SLC35E1: variants seen among roughly 807,000 people sequenced by gnomAD.
SLC35E1 encodes solute carrier family 35, member E1.
SLC35E1 carries 12 observed loss-of-function variants against 31.0 expected under a neutral mutation model. That is an observed-to-expected ratio of 0.39 (90% CI 0.25 to 0.63). SLC35E1 has a LOEUF of 0.63. Among genes scored for constraint, SLC35E1 ranks in the 20% least tolerant of loss-of-function variants. The pLI, the probability that SLC35E1 is intolerant of heterozygous loss-of-function variation, is 0.52. For missense variants in SLC35E1, 429 were observed against 572.2 expected (o/e 0.75, Z 2.55); for synonymous variants, 257 against 264.1 (o/e 0.97, Z 0.26).
At chr19:16,563,516 CTTTT>C (rs931169128) in intron 4 of SLC35E1, among the ~76,000 whole-genome samples, 2 of 151,222 alleles carry the variant, frequency 1.3e-5, no homozygotes, top group African/African-American at 4.9e-5. Flanking sequence ...CAGACTTCTT[CTTTT>C]TTTTTATTTT....
rs949879006 is a variant in SLC35E1, at chr19:16,553,458, C to A, written c.*221G>T. ...CTCCAGGAAGAAAGAGCATGAGACACTGGTCTCTGTTTAGGTTTGCCCAGA... is the reference window on the plus strand; with the variant it reads ...CTCCAGGAAGAAAGAGCATGAGACAATGGTCTCTGTTTAGGTTTGCCCAGA... On this transcript the variant is annotated 3_prime_UTR_variant, in exon 6 of 6. Transcript: ENST00000595753. 1.0e-5 allele frequency: 4 copies of A among 381,744 alleles called. No homozygotes were observed. Among genetic ancestry groups the A allele is most frequent in the Non-Finnish European group, 1.9e-5 (4 of 214,458 alleles). The allele number at this position is 381,744 out of a possible 1,614,324, so 23.6% of individuals were successfully genotyped here.
In SLC35E1 at chr19:16,550,914, T is replaced by C. The variant is rs1042089074; in HGVS notation, c.*2765A>G. Reference sequence around the variant, plus strand: ...AACCATAATAAAACCAGACAGTCATTTCCCGTCACCAGCAGATCTTGCATT... The same window carrying C: ...AACCATAATAAAACCAGACAGTCATCTCCCGTCACCAGCAGATCTTGCATT... On this transcript the variant is annotated 3_prime_UTR_variant, in exon 6 of 6. Transcript: ENST00000595753. The C allele has an allele frequency of 3.3e-5, 5 of 152,206 alleles. No individual in the cohort carries two copies. Among genetic ancestry groups the C allele is most frequent in the African/African-American group, 1.2e-4 (5 of 41,454 alleles). The allele number at this position is 152,206 out of a possible 1,614,324, so 9.4% of individuals were successfully genotyped here.
chr19:16,556,347 A>T (rs2122325669), intron 4 of SLC35E1, among the ~76,000 whole-genome samples: 1 of 151,872 alleles, frequency 6.6e-6, no homozygotes, highest in Non-Finnish European at 1.5e-5. Flanking sequence ...GTCTCTACAA[A>T]AAAAAAAAAA....
rs893470885 is a variant in SLC35E1, at chr19:16,552,348, T to G, written c.*1331A>C. Reference sequence around the variant, plus strand: ...CCAGTGGGAACTTGGTTTTGTTTTGTTTTTTTTTTTGAGATGGAGTCTCGC... The same window carrying G: ...CCAGTGGGAACTTGGTTTTGTTTTGGTTTTTTTTTTGAGATGGAGTCTCGC... On this transcript the variant is annotated 3_prime_UTR_variant, in exon 6 of 6. Coordinates refer to ENST00000595753, the MANE Select transcript of SLC35E1 (RefSeq NM_024881.5). The G allele has an allele frequency of 7.2e-6, 1 of 139,138 alleles. No homozygotes were observed. Among genetic ancestry groups the G allele is most frequent in the Admixed American group, 7.2e-5 (1 of 13,986 alleles). The allele number at this position is 139,138 out of a possible 1,614,324, so 8.6% of individuals were successfully genotyped here.
chr19:16,554,044 C>G, intron 5 of SLC35E1, 135 bp from the exon 6 acceptor site: 1 of 660,838 alleles, frequency 1.5e-6, no homozygotes, highest in South Asian at 2.6e-5. Flanking sequence ...GCGGGAGGAT[C>G]ACCTGAGCTC....
In SLC35E1 at chr19:16,572,291, C is replaced by G; in HGVS notation, c.74G>C (p.Arg25Pro). ...CAGCGCCGCCACCCGCGCGCCCTCGCGCGCCCCACCACTGCTGCTCGCTGC... is the reference window on the plus strand; with the variant it reads ...CAGCGCCGCCACCCGCGCGCCCTCGGGCGCCCCACCACTGCTGCTCGCTGC... The part of the protein sequence containing the change: ...PGAASSSGGA[R>P]EGARVAALCL... The change falls in exon 1 of 6, where the codon CGC becomes CCC. Residue 25 changes from arginine to proline, a missense_variant. Coordinates refer to ENST00000595753, the MANE Select transcript of SLC35E1 (RefSeq NM_024881.5). This position sits in a 1 kb window ranked among gnomAD's most constrained non-coding sequence, Gnocchi z 4.1. 4.0e-6 allele frequency: 6 copies of G among 1,489,922 alleles called. No homozygotes were observed. Among genetic ancestry groups the G allele is most frequent in the Non-Finnish European group, 5.4e-6 (6 of 1,118,020 alleles). The allele number at this position is 1,489,922 out of a possible 1,614,324, so 92.3% of individuals were successfully genotyped here. A position where few individuals can be genotyped will look rare whatever the true frequency, so the allele number is the denominator to read the frequency against.
chr19:16,553,667 G>A lies in SLC35E1; in HGVS notation c.*12C>T, dbSNP rs2085857372. 2.7e-6 allele frequency: 4 copies of A among 1,490,906 alleles called. No homozygotes were observed. Among genetic ancestry groups the A allele is most frequent in the Non-Finnish European group, 3.6e-6 (4 of 1,111,660 alleles). The allele number at this position is 1,490,906 out of a possible 1,614,324, so 92.4% of individuals were successfully genotyped here. ...AAGGAGTCACCAACAGTCTGGTCCT[G>A]TCCTTTGGACTCTACACATCATAGC... On this transcript the variant is annotated 3_prime_UTR_variant, in exon 6 of 6. Coordinates refer to ENST00000595753, the MANE Select transcript of SLC35E1 (RefSeq NM_024881.5).
chr19:16,558,569 T>A (rs2085888340), intron 4 of SLC35E1, among the ~76,000 whole-genome samples: 1 of 152,100 alleles, frequency 6.6e-6, no homozygotes, highest in South Asian at 2.1e-4. Context: ...ACTCCTGACC[T>A]CAAGTGATCC....
At chr19:16,561,244 G>GAAAAA (rs373424416) in intron 4 of SLC35E1, among the ~76,000 whole-genome samples, 1 of 71,894 alleles carries the variant, frequency 1.4e-5, no homozygotes, top group African/African-American at 4.8e-5. Context: ...AAAAAAAAAA[G>GAAAAA]AAAGAAAAGA....
At position 16,551,822 on chromosome 19, in the gene SLC35E1, T is replaced by C. The variant is rs1228185111; in HGVS notation, c.*1857A>G. On this transcript the variant is annotated 3_prime_UTR_variant, in exon 6 of 6. Transcript: ENST00000595753. ...AAGGCTGGAGTGCAGTGGTGTGATC[T>C]CAGCTCGCTGAAACCTCCACCTCCT... is the stretch of plus-strand genomic sequence containing the variant. 6.7e-6 allele frequency: 1 copy of C among 149,608 alleles called. No homozygotes were observed. Among genetic ancestry groups the C allele is most frequent in the African/African-American group, 2.5e-5 (1 of 40,516 alleles). 9.3% of individuals were successfully genotyped at this position (149,608 alleles called of 1,614,324 possible).
At position 16,561,181 on chromosome 19, in the gene SLC35E1, TC is replaced by T. The variant is rs1305242024; in HGVS notation, c.756+5350del. ...GCGAGCTGAGATCACGCCACTGCGC[TC>T]CAGCCTGGGCAACAGATCAAGACTC... On this transcript the variant is annotated intron_variant, in intron 4 of 5. Transcript: ENST00000595753. Among the ~76,000 whole-genome samples the T allele has an allele frequency of 5.2e-4, 58 of 110,764 alleles. 1 individual carries two copies. The highest frequency in any genetic ancestry group is 2.0e-3 in the African/African-American group (56 of 28,654). The allele number at this position is 110,764 out of a possible 152,430, so 72.7% of individuals were successfully genotyped here.
chr19:16,565,355 C>T (rs1406120157), intron 4 of SLC35E1: 13 of 330,522 alleles, frequency 3.9e-5, no homozygotes, highest in Non-Finnish European at 6.5e-5. Flanking sequence ...GGATTACAGG[C>T]GTGCACCACC....
chr19:16,572,020 G>A lies in SLC35E1; in HGVS notation c.345C>T (p.Leu115=), dbSNP rs754733501. The change falls in exon 1 of 6, where the codon CTC becomes CTT. Residue 115 remains leucine (L), a synonymous_variant. Transcript: ENST00000595753. This position sits in a 1 kb window ranked among gnomAD's most constrained non-coding sequence, Gnocchi z 4.1. ...CGGACGCGAAGTACTTGCCGAAGGC[G>A]AGCGGTAGCACGTAGCGCGGGTAGA... ...PRFYPRYVLP[L]AFGKYFASVS... 8.4e-6 allele frequency: 13 copies of A among 1,545,534 alleles called. 1 individual carries two copies. The highest frequency in any genetic ancestry group is 1.7e-4 in the Middle Eastern group (1 of 5,990).
In SLC35E1 at chr19:16,568,121, C is replaced by T. The variant is rs774469202; in HGVS notation, c.541G>A (p.Val181Ile). 54 of 1,613,460 alleles carry T rather than the reference C, an allele frequency of 3.3e-5. No homozygotes were observed. Among genetic ancestry groups the T allele is most frequent in the South Asian group, 3.3e-4 (30 of 91,062 alleles). ...CACATGTCAAAAGACAACTCGGTGA[C>T]GGTGGCCAGCAGGACACCGCTGATG... ...PIISGVLLAT[V>I]TELSFDMWGL... The change falls in exon 3 of 6, where the codon GTC (valine) becomes ATC (isoleucine). Residue 181 changes from valine (V) to isoleucine (I), a missense_variant. By Grantham distance (29) the Val-to-Ile change is conservative. Coordinates refer to ENST00000595753, the MANE Select transcript of SLC35E1 (RefSeq NM_024881.5).
At chr19:16,566,511 T>C in intron 4 of SLC35E1, 21 bp downstream of exon 4, 2 of 1,612,402 alleles carry the variant, frequency 1.2e-6, no homozygotes, top group Non-Finnish European at 1.7e-6. Flanking sequence ...AATGGCGTGT[T>C]CTTGGTGCTG....
At chr19:16,554,820 GAAAAAAA>G (rs59402960) in intron 5 of SLC35E1, among the ~76,000 whole-genome samples, 185 of 60,208 alleles carry the variant, frequency 3.1e-3, no homozygotes, top group African/African-American at 0.011. Flanking sequence ...ACTCCATCTC[GAAAAAAA>G]AAAAAAAAAA....
chr19:16,570,724 G>T (rs1342468336), intron 2 of SLC35E1, among the ~76,000 whole-genome samples: 1 of 152,176 alleles, frequency 6.6e-6, no homozygotes, highest in African/African-American at 2.4e-5. Flanking sequence ...GACTTTGCTG[G>T]ATTTTGCCAA....
At chr19:16,566,305 A>G (rs960884809) in intron 4 of SLC35E1, 7 of 538,384 alleles carry the variant, frequency 1.3e-5, no homozygotes, top group Non-Finnish European at 1.6e-5. Context: ...AGCAGCTATC[A>G]GCACCTGGGA....
At position 16,555,493 on chromosome 19, in the gene SLC35E1, G is replaced by A. The variant is rs561510545; in HGVS notation, c.757-96C>T. On this transcript the variant is annotated intron_variant, in intron 4 of 5. Transcript: ENST00000595753. The surrounding 1 kb of genome is among the most constrained non-coding windows in gnomAD (Gnocchi z 4.1). ...GCAGGGTTAGGGGAAGGGATGTGGA[G>A]GGGCTCATCTGGAGCCTCATGGTCC... The A allele has an allele frequency of 5.3e-6, 8 of 1,507,366 alleles. No individual in the cohort carries two copies. The highest frequency in any genetic ancestry group is 2.4e-4 in the Middle Eastern group (1 of 4,118). The allele number at this position is 1,507,366 out of a possible 1,614,324, so 93.4% of individuals were successfully genotyped here. A position where few individuals can be genotyped will look rare whatever the true frequency, so the allele number is the denominator to read the frequency against.
Sources: gnomAD v4.1 joint callset for allele counts (sites outside exome capture counted in the v4.1 genomes callset) on GRCh38, gnomAD v4.1.1 for gene constraint, Gnocchi (gnomAD v3.1) non-coding constraint, MANE v1.5 for transcripts, NCBI Gene and HGNC (gene_info 2026-07-23, HGNC 2026-07-21) for gene names.